The following NAALADL2 variants were observed in gnomAD, a reference collection of about 807,000 sequenced individuals.
The protein encoded by NAALADL2 is inactive N-acetylated-alpha-linked acidic dipeptidase-like protein 2.
NAALADL2 carries 76 observed loss-of-function variants against 87.2 expected under a neutral mutation model. The ratio of observed to expected loss-of-function variants is 0.87; its 90% CI spans 0.72 to 1.05. The LOEUF (loss-of-function observed/expected upper bound fraction) is 1.05, where lower values mean the gene tolerates loss of function less well. Ranked by LOEUF, NAALADL2 falls within the 50% of genes least tolerant of loss-of-function variation. The pLI, the probability that NAALADL2 is intolerant of heterozygous loss-of-function variation, is 0.00. For missense variants in NAALADL2, 1,089 were observed against 945.8 expected (o/e 1.15, Z -1.99); for synonymous variants, 354 against 331.0 (o/e 1.07, Z -0.75).
chr3:175,380,817 A>T (rs1053119729), intron 5 of NAALADL2, among the ~76,000 whole-genome samples: 1 of 152,102 alleles, frequency 6.6e-6, no homozygotes, highest in Admixed American at 6.5e-5. Flanking sequence ...CATTTTACAG[A>T]GTATACGAAC....
chr3:175,360,125 A>G (rs557271313), intron 5 of NAALADL2, among the ~76,000 whole-genome samples: 6 of 152,230 alleles, frequency 3.9e-5, no homozygotes, highest in African/African-American at 1.4e-4. Context: ...TATGTTTTAA[A>G]CAAATCAGTA....
chr3:175,347,580 C>G (rs1394267443), intron 5 of NAALADL2, among the ~76,000 whole-genome samples: 1 of 151,982 alleles, frequency 6.6e-6, no homozygotes, highest in African/African-American at 2.4e-5. Flanking sequence ...CACCACCCCC[C>G]AAAATAACAA....
intron 2 of NAALADL2, among the ~76,000 whole-genome samples, chr3:174,560,791 A>AT (rs1431847934): frequency 6.6e-6 from 1 of 151,906 alleles, no homozygotes; most frequent in Non-Finnish European, 1.5e-5. Context: ...GTAAATTGTG[A>AT]TTTTTTATTT....
chr3:175,163,840 A>C (rs1177659309), intron 2 of NAALADL2, among the ~76,000 whole-genome samples: 3 of 152,214 alleles, frequency 2.0e-5, no homozygotes, highest in African/African-American at 4.8e-5. Flanking sequence ...CTGGGGAAGA[A>C]AATTCAATGA....
chr3:175,236,795 T>A (rs1745979712), intron 3 of NAALADL2, among the ~76,000 whole-genome samples: 1 of 152,178 alleles, frequency 6.6e-6, no homozygotes. Flanking sequence ...TGTACGTAAT[T>A]GTATGTTTGC....
At chr3:175,630,637 A>T (rs936403287) in intron 11 of NAALADL2, among the ~76,000 whole-genome samples, 1 of 151,792 alleles carries the variant, frequency 6.6e-6, no homozygotes, top group African/African-American at 2.4e-5. Context: ...GTACAAATAG[A>T]ATATAAATTT....
intron 13 of NAALADL2, among the ~76,000 whole-genome samples, chr3:175,785,859 T>C (rs1166763796): frequency 6.7e-6 from 1 of 149,674 alleles, no homozygotes; most frequent in Non-Finnish European, 1.5e-5. Flanking sequence ...TTCCTTTCTG[T>C]GTTTAGCACT....
intron 11 of NAALADL2, among the ~76,000 whole-genome samples, chr3:175,699,940 T>C (rs1250094127): frequency 6.6e-6 from 1 of 152,126 alleles, no homozygotes; most frequent in Non-Finnish European, 1.5e-5. Context: ...TCCAAGGGCA[T>C]TTTCTGTAGT....
chr3:174,578,085 A>G (rs544809159), intron 2 of NAALADL2, among the ~76,000 whole-genome samples: 1 of 152,042 alleles, frequency 6.6e-6, no homozygotes, highest in South Asian at 2.1e-4. Context: ...CAATTTGAAG[A>G]ACAAAGAGAA....
intron 1 of NAALADL2, among the ~76,000 whole-genome samples, chr3:174,462,266 A>G (rs1716264225): frequency 6.6e-6 from 1 of 152,032 alleles, no homozygotes; most frequent in South Asian, 2.1e-4. Context: ...TTGTTGCAAA[A>G]TCCTTCAGAA....
chr3:175,315,519 T>C (rs898496099), intron 4 of NAALADL2, among the ~76,000 whole-genome samples: 2 of 152,188 alleles, frequency 1.3e-5, no homozygotes, highest in African/African-American at 2.4e-5. Flanking sequence ...AAAACACTTT[T>C]TGAAGAACTT....
At chr3:174,849,355 CA>C (rs1197252968) in intron 3 of NAALADL2, among the ~76,000 whole-genome samples, 2 of 152,070 alleles carry the variant, frequency 1.3e-5, no homozygotes, top group Admixed American at 1.3e-4. Flanking sequence ...TACAGCTGTA[CA>C]AAAATATTTC....
At chr3:175,796,757 A>G (rs1560026327) in intron 13 of NAALADL2, among the ~76,000 whole-genome samples, 1 of 152,232 alleles carries the variant, frequency 6.6e-6, no homozygotes, top group Non-Finnish European at 1.5e-5. Flanking sequence ...GATTTCATTT[A>G]GGAGTTTCTC....
chr3:174,747,284 T>C (rs2109025866), intron 3 of NAALADL2, among the ~76,000 whole-genome samples: 1 of 152,038 alleles, frequency 6.6e-6, no homozygotes, highest in East Asian at 1.9e-4. Flanking sequence ...GAACAGACAC[T>C]TCTCAAGGAA....
chr3:175,260,059 A>G (rs1263869321), intron 4 of NAALADL2, among the ~76,000 whole-genome samples: 4 of 152,148 alleles, frequency 2.6e-5, no homozygotes, highest in African/African-American at 9.7e-5. Context: ...TCAGAGGTCA[A>G]ATACTGAAAA....
intron 12 of NAALADL2, among the ~76,000 whole-genome samples, chr3:175,740,405 G>A (rs1215039813): frequency 1.3e-5 from 2 of 152,172 alleles, no homozygotes; most frequent in East Asian, 1.9e-4. Context: ...ATTTGAACCA[G>A]AGTGACTCCA....
chr3:174,500,982 G>A (rs528143015), intron 1 of NAALADL2, among the ~76,000 whole-genome samples: 3 of 151,142 alleles, frequency 2.0e-5, no homozygotes, highest in East Asian at 3.9e-4. Context: ...TCAGCCTTCC[G>A]AGTAGCTGGG....
chr3:174,559,484 A>G (rs1322771209), intron 2 of NAALADL2, among the ~76,000 whole-genome samples: 1 of 152,190 alleles, frequency 6.6e-6, no homozygotes, highest in African/African-American at 2.4e-5. Flanking sequence ...AGAAGTCAGC[A>G]TGGCAGATTA....
chr3:174,744,745 A>G (rs535807302), intron 3 of NAALADL2, among the ~76,000 whole-genome samples: 5 of 152,014 alleles, frequency 3.3e-5, no homozygotes, highest in South Asian at 4.1e-4. Context: ...CTAACATATA[A>G]TCTCTCCGAA....
Sources: gnomAD v4.1 joint callset for allele counts (sites outside exome capture counted in the v4.1 genomes callset) on GRCh38, gnomAD v4.1.1 for gene constraint, MANE v1.5 for transcripts, NCBI Gene and HGNC (gene_info 2026-07-23, HGNC 2026-07-21) for gene names.